IMPG1: variants seen among roughly 807,000 people sequenced by gnomAD.
IMPG1 encodes interphotoreceptor matrix proteoglycan 1.
A neutral mutation model predicts 92.0 loss-of-function variants in IMPG1; 85 were observed. That is an observed-to-expected ratio of 0.92 (90% CI 0.78 to 1.11). The LOEUF (loss-of-function observed/expected upper bound fraction) is 1.11, where lower values mean the gene tolerates loss of function less well. Among genes scored for constraint, IMPG1 ranks in the 50% least tolerant of loss-of-function variants. The probability of loss-of-function intolerance (pLI) is 0.00; values close to 1 mark genes in which losing one functional copy is unlikely to be tolerated. For synonymous variants in IMPG1, 367 were observed against 334.1 expected (o/e 1.10, Z -1.08); for missense variants, 1,022 against 956.0 (o/e 1.07, Z -0.91).
At chr6:76,044,178 A>T (rs1783892983) in intron 1 of IMPG1, among the ~76,000 whole-genome samples, 1 of 152,256 alleles carries the variant, frequency 6.6e-6, no homozygotes, top group Admixed American at 6.5e-5. Flanking sequence ...GGAGCCGAGC[A>T]CACAGCTGTT....
At chr6:75,985,841 G>T (rs1782707977) in intron 12 of IMPG1, among the ~76,000 whole-genome samples, 2 of 152,072 alleles carry the variant, frequency 1.3e-5, no homozygotes, top group African/African-American at 4.8e-5. Context: ...CTCATATTTT[G>T]AACCAAAAAG....
intron 12 of IMPG1, among the ~76,000 whole-genome samples, chr6:75,986,058 A>T (rs1782712460): frequency 6.6e-6 from 1 of 152,148 alleles, no homozygotes; most frequent in South Asian, 2.1e-4. Context: ...ACAACAGCCT[A>T]TCCTTATTTA....
chr6:75,978,171 C>A (rs1782570238), intron 12 of IMPG1, among the ~76,000 whole-genome samples: 1 of 151,036 alleles, frequency 6.6e-6, no homozygotes. Flanking sequence ...CAAAACTTTT[C>A]CCATTATTTG....
chr6:75,995,710 T>G (rs1782887390), intron 12 of IMPG1, among the ~76,000 whole-genome samples: 1 of 152,340 alleles, frequency 6.6e-6, no homozygotes, highest in South Asian at 2.1e-4. Context: ...TTCCACATTG[T>G]TTTTAGATTG....
At chr6:76,037,536 G>A (rs757046492) in intron 2 of IMPG1, among the ~76,000 whole-genome samples, 1 of 152,120 alleles carries the variant, frequency 6.6e-6, no homozygotes, top group South Asian at 2.1e-4. Flanking sequence ...CCAGCAAGCC[G>A]TCTCTGACCC....
intron 12 of IMPG1, among the ~76,000 whole-genome samples, chr6:75,977,758 C>T (rs898400143): frequency 1.3e-5 from 2 of 150,868 alleles, no homozygotes; most frequent in Non-Finnish European, 3.0e-5. Context: ...TATGGATGGG[C>T]AGACTTGGAG....
chr6:75,952,439 T>C lies in IMPG1; in HGVS notation c.1292-1345A>G, dbSNP rs182115500. ...TTGGAATCATATTAGTTTTATTACT[T>C]TCTTAAAATAAAACCTGTCTGTTGG... On this transcript the variant is annotated intron_variant, in intron 12 of 16. Transcript: ENST00000369950. Among the ~76,000 whole-genome samples the C allele has an allele frequency of 1.6e-4, 24 of 152,282 alleles. 2 individuals are homozygous for C. The highest frequency in any genetic ancestry group is 1.1e-3 in the Admixed American group (17 of 15,288).
chr6:76,054,935 A>G (rs1784096429), intron 1 of IMPG1, among the ~76,000 whole-genome samples: 1 of 152,132 alleles, frequency 6.6e-6, no homozygotes, highest in Non-Finnish European at 1.5e-5. Context: ...ATATAATACA[A>G]AGGTTGATAG....
At chr6:75,925,489 G>C (rs1781534679) in intron 15 of IMPG1, among the ~76,000 whole-genome samples, 1 of 152,014 alleles carries the variant, frequency 6.6e-6, no homozygotes, top group Non-Finnish European at 1.5e-5. Flanking sequence ...CAGTCCTAGT[G>C]CTCATGGGAA....
At chr6:75,923,890 T>G (rs1223112089) in intron 15 of IMPG1, among the ~76,000 whole-genome samples, 184 bp from the exon 16 acceptor site, 4 of 152,174 alleles carry the variant, frequency 2.6e-5, no homozygotes, top group Non-Finnish European at 5.9e-5. Context: ...GACTTTTGCC[T>G]TTTAGTTGGC....
At chr6:76,025,786 A>G (rs571696611) in intron 4 of IMPG1, among the ~76,000 whole-genome samples, 2 of 152,326 alleles carry the variant, frequency 1.3e-5, no homozygotes, top group South Asian at 4.1e-4. Flanking sequence ...ACTGTCTGTA[A>G]TGGTAACTAG....
At chr6:76,017,871 G>A (rs1783319149) in intron 7 of IMPG1, among the ~76,000 whole-genome samples, 1 of 152,142 alleles carries the variant, frequency 6.6e-6, no homozygotes. Flanking sequence ...TCCTGCCTCA[G>A]CCTCCCGAGT....
rs755997435 is a variant in IMPG1, at chr6:76,005,517, A to G, written c.905T>C (p.Met302Thr). 29 of 1,613,730 alleles carry G rather than the reference A, an allele frequency of 1.8e-5. No homozygotes were observed. Among genetic ancestry groups the G allele is most frequent in the Non-Finnish European group, 2.4e-5 (28 of 1,179,902 alleles). ...TCTCTTAAAGATGGCCGTAAGTTGCATCTCTGTGGAGCTTGAGCTGTAGAT... is the reference window on the plus strand; with the variant it reads ...TCTCTTAAAGATGGCCGTAAGTTGCGTCTCTGTGGAGCTTGAGCTGTAGAT... ...KEKDGSSSTE[M>T]QLTAIFKRHS... Residue 302 changes from methionine to threonine, a missense_variant, in exon 10 of 17, where the codon ATG becomes ACG. This residue lies in a region of IMPG1 where 681 missense variants were observed against 583.6 expected (regional missense o/e 1.17). Coordinates refer to ENST00000369950, the MANE Select transcript of IMPG1 (RefSeq NM_001563.4).
intron 14 of IMPG1, among the ~76,000 whole-genome samples, chr6:75,940,253 T>C (rs1781816584): frequency 6.6e-6 from 1 of 152,234 alleles, no homozygotes; most frequent in Non-Finnish European, 1.5e-5. Context: ...AATGTATACT[T>C]TCAGCCCTGG....
chr6:76,025,245 A>G lies in IMPG1; in HGVS notation c.511T>C (p.Ser171Pro), dbSNP rs1028442484. 3.8e-6 allele frequency: 6 copies of G among 1,591,808 alleles called. No individual in the cohort carries two copies. In the African/African-American group the frequency reaches 5.4e-5, roughly 14 times the overall value. The change falls in exon 5 of 17, where the codon TCT becomes CCT. Residue 171 changes from serine to proline, a missense_variant. This residue lies in a region of IMPG1 where 681 missense variants were observed against 583.6 expected (regional missense o/e 1.17). Transcript: ENST00000369950. ...RSFPDRKDEI[S>P]AEKTLGEPGE... ...GGCTCTCCCAATGTCTTCTCTGCAGATATTTCATCTTTTCTATTAGTACAA... is the reference window on the plus strand; with the variant it reads ...GGCTCTCCCAATGTCTTCTCTGCAGGTATTTCATCTTTTCTATTAGTACAA...
intron 2 of IMPG1, among the ~76,000 whole-genome samples, chr6:76,036,809 TA>T (rs1196772458): frequency 4.7e-5 from 1 of 21,252 alleles, no homozygotes; most frequent in African/African-American, 1.4e-4. Flanking sequence ...TAGATTCTAC[TA>T]GATACATGAG....
At position 76,022,181 on chromosome 6, in the gene IMPG1, G is replaced by T. The variant is rs759925201; in HGVS notation, c.601C>A (p.Pro201Thr). 6.3e-7 allele frequency: 1 copy of T among 1,596,234 alleles called. No individual in the cohort carries two copies. Among genetic ancestry groups the T allele is most frequent in the East Asian group, 2.3e-5 (1 of 44,024 alleles). Residue 201 changes from proline to threonine, a missense_variant, in exon 6 of 17, where the codon CCT (proline) becomes ACT (threonine). Pro to Thr is a conservative substitution (Grantham distance 38, BLOSUM62 -1). This residue lies in a region of IMPG1 where 681 missense variants were observed against 583.6 expected (regional missense o/e 1.17). Transcript: ENST00000369950. ...ATTTCATTGAGGAGGGTGTCATCAGGAGTGAGAGGGAAAGGCCCAAGTGAG... is the reference window on the plus strand; with the variant it reads ...ATTTCATTGAGGAGGGTGTCATCAGTAGTGAGAGGGAAAGGCCCAAGTGAG... Reference protein sequence around the residue: ...NVSLGPFPLTPDDTLLNEILD... With the variant: ...NVSLGPFPLTTDDTLLNEILD...
intron 1 of IMPG1, among the ~76,000 whole-genome samples, chr6:76,044,983 C>T (rs1783912177): frequency 1.3e-5 from 2 of 152,188 alleles, no homozygotes; most frequent in South Asian, 4.1e-4. Flanking sequence ...TGAGCTCCCA[C>T]TTTTCCCTTT....
intron 12 of IMPG1, among the ~76,000 whole-genome samples, chr6:75,988,161 GGT>G (rs1419126011): frequency 6.6e-6 from 1 of 152,098 alleles, no homozygotes; most frequent in East Asian, 1.9e-4. Context: ...TGGGTCAAAT[GGT>G]ATTTCTAGTT....
Sources: allele counts gnomAD v4.1 joint callset (sites outside exome capture counted in the v4.1 genomes callset), GRCh38; gene constraint gnomAD v4.1.1; regional missense constraint gnomAD v4.1.1; transcripts MANE v1.5; gene names NCBI Gene and HGNC (gene_info 2026-07-23, HGNC 2026-07-21).